The following EVI5 variants were observed in gnomAD, a reference collection of about 807,000 sequenced individuals.
EVI5 encodes ecotropic viral integration site 5 protein homolog.
In EVI5, 73 loss-of-function variants were observed where a neutral mutation model predicts 112.0. The ratio of observed to expected loss-of-function variants is 0.65; its 90% CI spans 0.54 to 0.79. The LOEUF (loss-of-function observed/expected upper bound fraction) is 0.79, where lower values mean the gene tolerates loss of function less well. EVI5 is among the 30% of genes least tolerant of loss of function. The pLI is 0.00. For missense variants in EVI5, 900 were observed against 968.8 expected (o/e 0.93, Z 0.94); for synonymous variants, 305 against 319.9 (o/e 0.95, Z 0.50).
At chr1:92,788,028 G>A (rs560228079), upstream of EVI5, among the ~76,000 whole-genome samples, 1 of 152,074 alleles carries the variant, frequency 6.6e-6, no homozygotes, top group East Asian at 1.9e-4. Context: ...CCTGTGGCAG[G>A]GGATTGACTG....
At chr1:92,514,278 T>C (rs1210579707) in intron 19 of EVI5, among the ~76,000 whole-genome samples, 5 of 152,058 alleles carry the variant, frequency 3.3e-5, no homozygotes, top group African/African-American at 9.7e-5. Context: ...CTCAGCCTCC[T>C]GAGTAGCTGG....
intron 13 of EVI5, among the ~76,000 whole-genome samples, chr1:92,643,397 G>A (rs1328431789): frequency 6.8e-6 from 1 of 147,370 alleles, no homozygotes; most frequent in Non-Finnish European, 1.5e-5. Flanking sequence ...TCCCACCTCA[G>A]CCTCCCCAGT....
At chr1:92,729,002 G>T (rs1676048000) in intron 2 of EVI5, among the ~76,000 whole-genome samples, 1 of 152,158 alleles carries the variant, frequency 6.6e-6, no homozygotes, top group Admixed American at 6.5e-5. Flanking sequence ...CACAAAAGTA[G>T]TGATGCTGGC....
chr1:92,662,766 C>A lies in EVI5; in HGVS notation c.1345G>T (p.Glu449Ter). 7.8e-7 allele frequency: 1 copy of A among 1,288,182 alleles called. No homozygotes were observed. Among genetic ancestry groups the A allele is most frequent in the Non-Finnish European group, 1.0e-6 (1 of 988,312 alleles). 79.8% of individuals were successfully genotyped at this position (1,288,182 alleles called of 1,614,324 possible). A position where few individuals can be genotyped will look rare whatever the true frequency, so the allele number is the denominator to read the frequency against. ...QQSDEASAKL[E>*]QAENTIRKLQ... The stretch of plus-strand genomic sequence containing the variant: ...TTCCTGATGGTATTTTCAGCTTGCT[C>A]CAGCTTAGCACTGGCCTCATCACTC... Residue 449 changes from glutamate (E) to a stop codon, truncating the protein, a stop_gained, in exon 13 of 20, where the codon GAG becomes TAG. Coordinates refer to ENST00000684568, the MANE Select transcript of EVI5 (RefSeq NM_001350197.2). LOFTEE classifies it high-confidence loss of function.
chr1:92,589,820 A>C (rs1673478482), intron 18 of EVI5, among the ~76,000 whole-genome samples: 1 of 152,198 alleles, frequency 6.6e-6, no homozygotes, highest in Non-Finnish European at 1.5e-5. Context: ...CTGCCTCCTC[A>C]AGTGGGGCCC....
intron 5 of EVI5, among the ~76,000 whole-genome samples, chr1:92,698,322 C>G (rs1295769843): frequency 2.6e-5 from 4 of 152,102 alleles, no homozygotes; most frequent in South Asian, 4.1e-4. Flanking sequence ...TCTCAAGGAA[C>G]CTGAATTTCT....
At chr1:92,590,813 A>C (rs1474656834) in intron 18 of EVI5, among the ~76,000 whole-genome samples, 1 of 152,218 alleles carries the variant, frequency 6.6e-6, no homozygotes, top group East Asian at 1.9e-4. Context: ...CGTAATTGTC[A>C]GATTCATCAA....
At chr1:92,711,161 G>A (rs1672794354) in intron 2 of EVI5, among the ~76,000 whole-genome samples, 1 of 152,190 alleles carries the variant, frequency 6.6e-6, no homozygotes, top group South Asian at 2.1e-4. Flanking sequence ...AAAGGGAAAA[G>A]AATGAGTTCT....
upstream of EVI5, among the ~76,000 whole-genome samples, chr1:92,785,627 C>G (rs1052114993): frequency 6.6e-6 from 1 of 152,108 alleles, no homozygotes; most frequent in Admixed American, 6.5e-5. Context: ...AACATGGGCA[C>G]GAATACGTAA....
At chr1:92,575,614 G>C (rs560532919) in intron 18 of EVI5, among the ~76,000 whole-genome samples, 1 of 135,336 alleles carries the variant, frequency 7.4e-6, no homozygotes, top group Non-Finnish European at 1.5e-5. Context: ...CTGTTGCATA[G>C]TCTAGAGTGC....
intron 14 of EVI5, among the ~76,000 whole-genome samples, chr1:92,631,782 G>A (rs1030126598): frequency 1.8e-4 from 27 of 152,278 alleles, no homozygotes; most frequent in African/African-American, 6.5e-4. Context: ...AATGCTTCCA[G>A]TTTTTGCCCA....
At chr1:92,674,537 G>C (rs913274186) in intron 10 of EVI5, among the ~76,000 whole-genome samples, 15 of 152,092 alleles carry the variant, frequency 9.9e-5, no homozygotes, top group African/African-American at 2.9e-4. Context: ...GGCCTGTCAG[G>C]GGGTGGAGGG....
At chr1:92,686,789 C>T (rs142293536) in intron 9 of EVI5, among the ~76,000 whole-genome samples, 1,959 of 152,270 alleles carry the variant, frequency 0.013, 46 homozygotes, top group African/African-American at 0.044. Context: ...CTCCCATTCA[C>T]AATTACTACA....
intron 19 of EVI5, among the ~76,000 whole-genome samples, chr1:92,561,591 CTATCTATCTAATCTATCCTATCTAT>C (rs1557789639): frequency 4.7e-5 from 7 of 149,722 alleles, no homozygotes; most frequent in African/African-American, 1.7e-4. Context: ...ATCTATCTAT[CTATCTATCTAATCTATCCTATCTAT>C]CTATCTATCT....
At chr1:92,606,815 T>G (rs932031645) in intron 17 of EVI5, among the ~76,000 whole-genome samples, 1 of 151,872 alleles carries the variant, frequency 6.6e-6, no homozygotes, top group Non-Finnish European at 1.5e-5. Context: ...CTAGTTTATT[T>G]TTTTAAATCC....
intron 2 of EVI5, among the ~76,000 whole-genome samples, chr1:92,718,592 A>C (rs1183039269): frequency 6.6e-6 from 1 of 152,260 alleles, no homozygotes; most frequent in Non-Finnish European, 1.5e-5. Flanking sequence ...ACAAAGCAGG[A>C]AAGATCTAAA....
At chr1:92,558,084 T>C (rs1054834726) in intron 19 of EVI5, among the ~76,000 whole-genome samples, 3 of 152,038 alleles carry the variant, frequency 2.0e-5, no homozygotes, top group Non-Finnish European at 4.4e-5. Flanking sequence ...ATCAGGGAAG[T>C]TTAAAATCTG....
intron 19 of EVI5, among the ~76,000 whole-genome samples, chr1:92,552,669 C>G (rs764808403): frequency 6.6e-6 from 1 of 152,124 alleles, no homozygotes; most frequent in Non-Finnish European, 1.5e-5. Flanking sequence ...CCTTGTTTTA[C>G]GTTGATTCTG....
At chr1:92,576,313 G>C (rs1447218901) in intron 18 of EVI5, among the ~76,000 whole-genome samples, 2 of 152,058 alleles carry the variant, frequency 1.3e-5, no homozygotes, top group Admixed American at 6.6e-5. Flanking sequence ...AATATTGGCA[G>C]TTACAATTTT....
Sources: gnomAD v4.1 joint callset for allele counts (sites outside exome capture counted in the v4.1 genomes callset) on GRCh38, gnomAD v4.1.1 for gene constraint, MANE v1.5 for transcripts, NCBI Gene and HGNC (gene_info 2026-07-23, HGNC 2026-07-21) for gene names.